Variants in AKAP11 observed in about 807,000 individuals in gnomAD.
The protein encoded by AKAP11 is A-kinase anchoring protein 11.
AKAP11 carries 36 observed loss-of-function variants against 146.1 expected under a neutral mutation model. The ratio of observed to expected loss-of-function variants is 0.25; its 90% CI spans 0.19 to 0.33. AKAP11 has a LOEUF of 0.33. AKAP11 is among the 10% of genes least tolerant of loss of function. The probability of loss-of-function intolerance (pLI) is 1.00; values close to 1 mark genes in which losing one functional copy is unlikely to be tolerated. For missense variants in AKAP11, 2,201 were observed against 2,197.0 expected (o/e 1.00, Z -0.04); for synonymous variants, 780 against 786.5 (o/e 0.99, Z 0.14).
intron 3 of AKAP11, among the ~76,000 whole-genome samples, chr13:42,287,408 C>CGAGT (rs1388359125): frequency 6.6e-6 from 1 of 151,944 alleles, no homozygotes; most frequent in African/African-American, 2.4e-5. Context: ...CTCAGCCTCC[C>CGAGT]GAGTAGCTGG....
Position 42,320,285 on chromosome 13 carries a change from G to A in AKAP11, c.*1057G>A, listed in dbSNP as rs906600024. The A allele has an allele frequency of 4.4e-5, 6 of 136,288 alleles. No homozygotes were observed. Among genetic ancestry groups the A allele is most frequent in the African/African-American group, 1.5e-4 (6 of 40,332 alleles). The allele number at this position is 136,288 out of a possible 1,614,324, so 8.4% of individuals were successfully genotyped here. On this transcript the variant is annotated 3_prime_UTR_variant, in exon 13 of 13. Coordinates refer to ENST00000025301, the MANE Select transcript of AKAP11 (RefSeq NM_016248.4). ...TGGTGTTTTTTTTGTTTGTTTGTTTGTTTGTTTTAGAAAAATTGGGATTTC... is the reference window on the plus strand; with the variant it reads ...TGGTGTTTTTTTTGTTTGTTTGTTTATTTGTTTTAGAAAAATTGGGATTTC...
In AKAP11 at chr13:42,301,427, T is replaced by C. The variant is rs2138598045; in HGVS notation, c.2681T>C (p.Leu894Ser). The C allele has an allele frequency of 6.2e-7, 1 of 1,613,260 alleles. No individual in the cohort carries two copies. The highest frequency in any genetic ancestry group is 1.3e-5 in the African/African-American group (1 of 74,974). ...VNETLESMTS[L>S]EVTKMVDERT... ...GAAACTTTAGAGTCAATGACATCAT[T>C]GGAAGTTACAAAAATGGTTGATGAA... The change falls in exon 8 of 13, where the codon TTG (leucine) becomes TCG (serine). Residue 894 changes from leucine to serine, a missense_variant. Coordinates refer to ENST00000025301, the MANE Select transcript of AKAP11 (RefSeq NM_016248.4).
intron 9 of AKAP11, 69 bp from the exon 10 acceptor site, chr13:42,312,978 C>G: frequency 1.5e-6 from 2 of 1,317,336 alleles, no homozygotes; most frequent in Admixed American, 1.8e-5. Flanking sequence ...AGAAGCTGTT[C>G]CGAGGAAACA....
At chr13:42,309,168 A>G (rs1566288305) in intron 9 of AKAP11, among the ~76,000 whole-genome samples, 2 of 152,196 alleles carry the variant, frequency 1.3e-5, no homozygotes, top group Admixed American at 1.3e-4. Context: ...TACCTCATAT[A>G]TAACTTTTCT....
At chr13:42,304,782 G>A (rs1435506625) in intron 8 of AKAP11, among the ~76,000 whole-genome samples, 4 of 148,002 alleles carry the variant, frequency 2.7e-5, no homozygotes, top group African/African-American at 7.5e-5. Flanking sequence ...ATGGAGTCTC[G>A]CACTGTTGCC....
chr13:42,282,337 C>G (rs1477998360), intron 1 of AKAP11, among the ~76,000 whole-genome samples: 1 of 151,256 alleles, frequency 6.6e-6, no homozygotes, highest in Non-Finnish European at 1.5e-5. Flanking sequence ...CTCTTTCACG[C>G]CAGTATGGAT....
Position 42,302,872 on chromosome 13 carries a change from G to A in AKAP11, c.4126G>A (p.Val1376Ile). Residue 1376 changes from valine to isoleucine, a missense_variant, in exon 8 of 13, where the codon GTT becomes ATT. By Grantham distance (29) the Val-to-Ile change is conservative. This residue lies in a region of AKAP11 where 1,867 missense variants were observed against 1,833.5 expected (regional missense o/e 1.02). Coordinates refer to ENST00000025301, the MANE Select transcript of AKAP11 (RefSeq NM_016248.4). ...QYANRLAYRS[V>I]KSGLQEAAKT... ...TGCCAATAGGCTTGCCTACCGATCT[G>A]TTAAATCAGGATTACAGGAAGCAGC... 2 of 1,614,058 alleles carry A rather than the reference G, an allele frequency of 1.2e-6. No homozygotes were observed. The highest frequency in any genetic ancestry group is 1.1e-5 in the South Asian group (1 of 91,070).
chr13:42,292,063 T>C (rs952527051), intron 3 of AKAP11, among the ~76,000 whole-genome samples: 3 of 152,332 alleles, frequency 2.0e-5, no homozygotes, highest in Non-Finnish European at 4.4e-5. Context: ...CGCCAGTGAC[T>C]TGGAAATCAG....
rs1274640854 is a variant in AKAP11 at position 42,320,017 on chromosome 13, A to T, written c.*789A>T. 1 of 151,506 alleles carries T rather than the reference A, an allele frequency of 6.6e-6. No homozygotes were observed. Among genetic ancestry groups the T allele is most frequent in the African/African-American group, 2.4e-5 (1 of 41,118 alleles). 9.4% of individuals were successfully genotyped at this position (151,506 alleles called of 1,614,324 possible). A position where few individuals can be genotyped will look rare whatever the true frequency, so the allele number is the denominator to read the frequency against. On this transcript the variant is annotated 3_prime_UTR_variant, in exon 13 of 13. Transcript: ENST00000025301. The stretch of plus-strand genomic sequence containing the variant: ...TTTACTGTTTTCTTTTTAGAAACCC[A>T]CTGTTAAAATTTAAAAAGGTGCTTT...
intron 11 of AKAP11, 112 bp downstream of exon 11, chr13:42,314,052 T>C (rs775028751): frequency 9.8e-7 from 1 of 1,021,542 alleles, no homozygotes; most frequent in Non-Finnish European, 1.4e-6. Context: ...TAAAACATTA[T>C]AAATCAGGGT....
At chr13:42,307,511 G>A (rs1245445703) in intron 8 of AKAP11, among the ~76,000 whole-genome samples, 2 of 152,146 alleles carry the variant, frequency 1.3e-5, no homozygotes, top group African/African-American at 4.8e-5. Context: ...GGTAGCAGGG[G>A]AAACAATACT....
In AKAP11 at chr13:42,322,689, T is replaced by C. The variant is rs1961136266; in HGVS notation, c.*3461T>C. ...CATTTTTTCTCATTTTCAGCAAGAC[T>C]CCTCTAAGCATTTACTCATTTACTG... On this transcript the variant is annotated 3_prime_UTR_variant, in exon 13 of 13. Transcript: ENST00000025301. The C allele has an allele frequency of 6.6e-6, 1 of 152,408 alleles. No individual in the cohort carries two copies. The highest frequency in any genetic ancestry group is 2.4e-5 in the African/African-American group (1 of 41,440). 9.4% of individuals were successfully genotyped at this position (152,408 alleles called of 1,614,324 possible).
chr13:42,282,099 G>T (rs1416618208), intron 1 of AKAP11, among the ~76,000 whole-genome samples: 1 of 151,454 alleles, frequency 6.6e-6, no homozygotes, highest in Non-Finnish European at 1.5e-5. Context: ...CTCCCGAGTG[G>T]CCGGGATTAC....
In AKAP11 at chr13:42,299,767, A is replaced by G. The variant is rs1959743079; in HGVS notation, c.1021A>G (p.Met341Val). Residue 341 changes from methionine (M) to valine (V), a missense_variant, in exon 8 of 13, where the codon ATG becomes GTG. Met to Val is a conservative substitution (Grantham distance 21). Around this residue, in one of 3 missense-constraint regions of AKAP11, gnomAD observed 1,867 missense variants for 1,833.5 expected, o/e 1.02. Coordinates refer to ENST00000025301, the MANE Select transcript of AKAP11 (RefSeq NM_016248.4). ...ACTTGAGCTGCCTAAAATTCCTGTG[A>G]TGAAAGATGATATAGAGGATTCAGA... ...AKLELPKIPV[M>V]KDDIEDSDSE... 3.1e-6 allele frequency: 5 copies of G among 1,613,878 alleles called. No individual in the cohort carries two copies. Among genetic ancestry groups the G allele is most frequent in the Non-Finnish European group, 4.2e-6 (5 of 1,179,920 alleles).
At chr13:42,279,020 T>C (rs1045939809) in intron 1 of AKAP11, among the ~76,000 whole-genome samples, 1 of 152,154 alleles carries the variant, frequency 6.6e-6, no homozygotes, top group African/African-American at 2.4e-5. Context: ...CTGTTGTCCT[T>C]GGTTCCTCTG....
rs371814908 is a variant in AKAP11, at chr13:42,301,969, A to G, written c.3223A>G (p.Thr1075Ala). 6.2e-6 allele frequency: 10 copies of G among 1,614,142 alleles called. No homozygotes were observed. Among genetic ancestry groups the G allele is most frequent in the Non-Finnish European group, 6.8e-6 (8 of 1,179,986 alleles). Residue 1075 changes from threonine (T) to alanine (A), a missense_variant, in exon 8 of 13, where the codon ACA becomes GCA. By Grantham distance (58) the Thr-to-Ala change is moderately conservative. Around this residue, in one of 3 missense-constraint regions of AKAP11, gnomAD observed 1,867 missense variants for 1,833.5 expected, o/e 1.02. Coordinates refer to ENST00000025301, the MANE Select transcript of AKAP11 (RefSeq NM_016248.4). ...TCCTCATTCACATACTTTCTCATCT[A>G]CAGCACTTACCTGTGTAGATGGTTT... is the stretch of plus-strand genomic sequence containing the variant. ...PFPHSHTFSS[T>A]ALTCVDGLHV...
At chr13:42,281,318 T>G (rs954926592) in intron 1 of AKAP11, among the ~76,000 whole-genome samples, 3 of 152,228 alleles carry the variant, frequency 2.0e-5, no homozygotes, top group African/African-American at 7.2e-5. Flanking sequence ...GATTCCTATG[T>G]TCCATGTAGA....
At chr13:42,288,636 C>T (rs902619326) in intron 3 of AKAP11, among the ~76,000 whole-genome samples, 2 of 152,164 alleles carry the variant, frequency 1.3e-5, no homozygotes, top group African/African-American at 4.8e-5. Context: ...TCACTCTGCC[C>T]CTGTTTGGAT....
chr13:42,317,581 T>C lies in AKAP11; in HGVS notation c.5458T>C (p.Cys1820Arg). ...AATTACGAATATTGACATGGAGCCA[T>C]GCACGGTAGACCCCCAGCTAAGGAT... ...LLITNIDMEP[C>R]TVDPQLRIIL... Residue 1820 changes from cysteine to arginine, a missense_variant, in exon 12 of 13, where the codon TGC becomes CGC. Around this residue, in one of 3 missense-constraint regions of AKAP11, gnomAD observed 1,867 missense variants for 1,833.5 expected, o/e 1.02. Transcript: ENST00000025301. 6.2e-7 allele frequency: 1 copy of C among 1,614,182 alleles called. No homozygotes were observed. Among genetic ancestry groups the C allele is most frequent in the Non-Finnish European group, 8.5e-7 (1 of 1,180,002 alleles).
Sources: gnomAD v4.1 joint callset for allele counts (sites outside exome capture counted in the v4.1 genomes callset) on GRCh38, gnomAD v4.1.1 for gene constraint, gnomAD v4.1.1 regional missense constraint, MANE v1.5 for transcripts, NCBI Gene and HGNC (gene_info 2026-07-23, HGNC 2026-07-21) for gene names.